Variants in CACNA1C observed in about 807,000 individuals in gnomAD.
CACNA1C encodes the protein voltage-dependent L-type calcium channel subunit alpha-1C.
CACNA1C carries 30 observed loss-of-function variants against 229.0 expected under a neutral mutation model. The observed-to-expected ratio is 0.13, with a 90% CI of 0.10 to 0.18. The LOEUF is 0.18. Ranked by LOEUF, CACNA1C falls within the 10% of genes least tolerant of loss-of-function variation. CACNA1C has a pLI of 1.00. For synonymous variants in CACNA1C, 1,114 were observed against 1,132.5 expected, an observed-to-expected ratio of 0.98 and a Z score of 0.33; for missense variants, 1,658 against 2,845.0, an observed-to-expected ratio of 0.58 and a Z score of 9.49.
At chr12:2,390,460 C>A (rs2887780) in intron 3 of CACNA1C, among the ~76,000 whole-genome samples, 1 of 152,064 alleles carries the variant, frequency 6.6e-6, no homozygotes, top group Non-Finnish European at 1.5e-5. Flanking sequence ...GAACCGACAA[C>A]AAGATATAAT....
chr12:2,676,029 C>T (rs528968704), intron 39 of CACNA1C: 1 of 152,230 alleles, frequency 6.6e-6, no homozygotes, highest in African/African-American at 2.4e-5. Context: ...TTTATTGAAT[C>T]CTGACAACAT....
chr12:2,085,656 A>G (rs1042020150), intron 1 of CACNA1C, among the ~76,000 whole-genome samples: 14 of 152,128 alleles, frequency 9.2e-5, no homozygotes, highest in African/African-American at 2.9e-4. Flanking sequence ...TCTTGCCTAT[A>G]CAACTGTAAG....
chr12:2,476,500 G>A (rs1193277954), intron 5 of CACNA1C, among the ~76,000 whole-genome samples: 1 of 152,230 alleles, frequency 6.6e-6, no homozygotes, highest in African/African-American at 2.4e-5. Context: ...TACCCAGCAG[G>A]TGCCGAGTCC....
Position 2,067,187 on chromosome 12 carries a change from G to A in CACNA1C, c.49+13576G>A, listed in dbSNP as rs2059565625. On this transcript the variant is annotated intron_variant, in intron 1 of 46. Transcript: ENST00000399655. This position sits in a 1 kb window ranked among gnomAD's most constrained non-coding sequence, Gnocchi z 5.3. ...GTGCCAAGCTCGAGCTGGTGTGGGA[G>A]AATCAAGGTGGCCAGTGGGATGCAG... 6.6e-6 allele frequency among the ~76,000 whole-genome samples: 1 copy of A among 152,116 alleles called. No homozygotes were observed. The highest frequency in any genetic ancestry group is 2.4e-5 in the African/African-American group (1 of 41,430).
Position 2,108,880 on chromosome 12 carries a change from G to A in CACNA1C, c.50-6344G>A, listed in dbSNP as rs1242826546. Reference sequence around the variant, plus strand: ...CCGGTTTCTGTTCCAGGTTGTCTGCGATACTCTTAAAGGGAATGCAGGCCC... The same window carrying A: ...CCGGTTTCTGTTCCAGGTTGTCTGCAATACTCTTAAAGGGAATGCAGGCCC... On this transcript the variant is annotated intron_variant, in intron 1 of 46. Transcript: ENST00000399655. This position sits in a 1 kb window ranked among gnomAD's most constrained non-coding sequence, Gnocchi z 5.3. Among the ~76,000 whole-genome samples, 1 of 152,180 alleles carries A rather than the reference G, an allele frequency of 6.6e-6. No individual in the cohort carries two copies. The highest frequency in any genetic ancestry group is 1.5e-5 in the Non-Finnish European group (1 of 68,030).
intron 9 of CACNA1C, among the ~76,000 whole-genome samples, chr12:2,527,901 G>A (rs555115077): frequency 6.6e-6 from 1 of 152,246 alleles, no homozygotes; most frequent in South Asian, 2.1e-4. Context: ...AGCATCCTAG[G>A]TTTTCATCAA....
chr12:2,652,956 G>A lies in CACNA1C; in HGVS notation c.4075-879G>A, dbSNP rs552847290. 2.6e-5 allele frequency among the ~76,000 whole-genome samples: 4 copies of A among 152,362 alleles called. No homozygotes were observed. The South Asian group carries it at 8.3e-4, about 32-fold the overall frequency. The stretch of plus-strand genomic sequence containing the variant: ...ACCGGGTGACTGCGAGGGCCTGATG[G>A]CGGCGCAGGCGTTCGGGCCAGGCAG... On this transcript the variant is annotated intron_variant, in intron 32 of 46. Coordinates refer to ENST00000399655, the MANE Select transcript of CACNA1C (RefSeq NM_000719.7).
intron 3 of CACNA1C, among the ~76,000 whole-genome samples, chr12:2,208,315 A>T (rs975106307): frequency 6.6e-6 from 1 of 152,228 alleles, no homozygotes; most frequent in Non-Finnish European, 1.5e-5. Flanking sequence ...GCTAAAAGAG[A>T]AGAACAGCTA....
intron 3 of CACNA1C, among the ~76,000 whole-genome samples, chr12:2,150,711 A>G (rs2095166409): frequency 6.6e-6 from 1 of 152,254 alleles, no homozygotes; most frequent in Non-Finnish European, 1.5e-5. Context: ...TTTGAAGACA[A>G]TGACACAGAA....
chr12:2,508,640 G>A (rs1043656623), intron 8 of CACNA1C, among the ~76,000 whole-genome samples: 6 of 152,190 alleles, frequency 3.9e-5, no homozygotes, highest in African/African-American at 9.7e-5. Flanking sequence ...GTGACAGAGC[G>A]AGACTCTGTC....
chr12:2,476,858 T>G (rs1283649518), intron 5 of CACNA1C, among the ~76,000 whole-genome samples: 3 of 152,182 alleles, frequency 2.0e-5, no homozygotes, highest in Non-Finnish European at 4.4e-5. Flanking sequence ...ATAAGGACAC[T>G]CTAATGAGAA....
chr12:2,396,004 C>T (rs1567439193), intron 3 of CACNA1C, among the ~76,000 whole-genome samples: 1 of 152,190 alleles, frequency 6.6e-6, no homozygotes, highest in Non-Finnish European at 1.5e-5. Context: ...GTCTACCTCA[C>T]TGGAGCCTGG....
In CACNA1C at chr12:2,651,787, C is replaced by T. The variant is rs779341594; in HGVS notation, c.4074+19C>T. On this transcript the variant is annotated intron_variant, in intron 32 of 46. Transcript: ENST00000399655. This position sits in a 1 kb window ranked among gnomAD's most constrained non-coding sequence, Gnocchi z 5.4. ...CTTCCAGGTAGCCGCCCCTCATGTC[C>T]TGCGGCCCGGGGAATCGCAGGGCTG... 6.4e-6 allele frequency: 10 copies of T among 1,564,166 alleles called. No homozygotes were observed. The highest frequency in any genetic ancestry group is 1.7e-4 in the Middle Eastern group (1 of 5,876).
chr12:2,460,256 G>T (rs1464222573), intron 5 of CACNA1C, among the ~76,000 whole-genome samples: 3 of 152,232 alleles, frequency 2.0e-5, no homozygotes, highest in Non-Finnish European at 4.4e-5. Flanking sequence ...TGTGGCTTCT[G>T]TCTTAGCTGT....
intron 5 of CACNA1C, among the ~76,000 whole-genome samples, chr12:2,482,677 A>G (rs554453362): frequency 6.4e-4 from 98 of 152,278 alleles, no homozygotes; most frequent in African/African-American, 2.4e-3. Context: ...TCCTCAAGTC[A>G]CTGCTTGGAT....
chr12:2,439,550 A>T (rs575597346), intron 3 of CACNA1C, among the ~76,000 whole-genome samples: 3 of 152,234 alleles, frequency 2.0e-5, no homozygotes, highest in Admixed American at 1.3e-4. Context: ...AGCACCCTGG[A>T]TCTGAGCACC....
chr12:2,371,002 C>G (rs1567293178), intron 3 of CACNA1C, among the ~76,000 whole-genome samples: 1 of 152,144 alleles, frequency 6.6e-6, no homozygotes. Flanking sequence ...GGGGAACCAT[C>G]TGGAAACTGT....
At chr12:2,628,248 A>G (rs1237784633) in intron 29 of CACNA1C, among the ~76,000 whole-genome samples, 4 of 152,204 alleles carry the variant, frequency 2.6e-5, no homozygotes, top group Non-Finnish European at 5.9e-5. Flanking sequence ...CTCCTGTAAC[A>G]GACAGAAAAT....
chr12:2,538,775 C>T (rs11062261), intron 9 of CACNA1C, among the ~76,000 whole-genome samples: 2 of 152,210 alleles, frequency 1.3e-5, no homozygotes, highest in Admixed American at 1.3e-4. Flanking sequence ...ATCTATCCAA[C>T]GGTAGAAAAG....
Sources: gnomAD v4.1 joint callset for allele counts (sites outside exome capture counted in the v4.1 genomes callset) on GRCh38, gnomAD v4.1.1 for gene constraint, Gnocchi (gnomAD v3.1) non-coding constraint, MANE v1.5 for transcripts, NCBI Gene and HGNC (gene_info 2026-07-23, HGNC 2026-07-21) for gene names.